UBE2E2: variants seen among roughly 807,000 people sequenced by gnomAD.
The protein encoded by UBE2E2 is ubiquitin-conjugating enzyme E2 E2.
UBE2E2 carries 6 observed loss-of-function variants against 24.7 expected under a neutral mutation model. That is an observed-to-expected ratio of 0.24 (90% CI 0.13 to 0.48). UBE2E2 has a LOEUF of 0.48. UBE2E2 is among the 20% of genes least tolerant of loss of function. The pLI is 0.99. For missense variants in UBE2E2, 169 were observed against 245.0 expected, an observed-to-expected ratio of 0.69 and a Z score of 2.07; for synonymous variants, 104 against 83.6, an observed-to-expected ratio of 1.24 and a Z score of -1.33.
intron 3 of UBE2E2, among the ~76,000 whole-genome samples, chr3:23,269,813 G>A (rs1252432245): frequency 1.3e-5 from 2 of 152,202 alleles, no homozygotes; most frequent in African/African-American, 4.8e-5. Flanking sequence ...GGAGGAAAAT[G>A]ATGTGCAGCT....
At chr3:23,304,791 A>G (rs116798595) in intron 3 of UBE2E2, among the ~76,000 whole-genome samples, 381 of 152,240 alleles carry the variant, frequency 2.5e-3, no homozygotes, top group African/African-American at 8.6e-3. Flanking sequence ...TCTTTGTTAC[A>G]TTGAAATCTA....
At chr3:23,239,965 G>C (rs1328838055) in intron 3 of UBE2E2, among the ~76,000 whole-genome samples, 2 of 152,148 alleles carry the variant, frequency 1.3e-5, no homozygotes, top group East Asian at 3.8e-4. Context: ...CTAGTTTCAA[G>C]TAAGTTTTGA....
chr3:23,421,523 C>T (rs1229244616), intron 3 of UBE2E2, among the ~76,000 whole-genome samples: 1 of 152,224 alleles, frequency 6.6e-6, no homozygotes, highest in Non-Finnish European at 1.5e-5. Flanking sequence ...TCTCCTGTCC[C>T]AGCCTCCCGA....
intron 3 of UBE2E2, among the ~76,000 whole-genome samples, chr3:23,405,301 C>T (rs1697329272): frequency 1.3e-5 from 2 of 152,168 alleles, no homozygotes; most frequent in Non-Finnish European, 1.5e-5. Context: ...ACCTGCCTCA[C>T]TGATTGTAAG....
chr3:23,285,710 C>G (rs1247381389), intron 3 of UBE2E2, among the ~76,000 whole-genome samples: 1 of 152,136 alleles, frequency 6.6e-6, no homozygotes, highest in African/African-American at 2.4e-5. Context: ...TTATCCCCCA[C>G]CCTGCTTTTC....
intron 3 of UBE2E2, among the ~76,000 whole-genome samples, chr3:23,303,181 C>T (rs1298312716): frequency 2.0e-5 from 3 of 151,782 alleles, no homozygotes; most frequent in South Asian, 2.1e-4. Flanking sequence ...GCATGATGAT[C>T]TGTCACTGTC....
chr3:23,351,541 C>G (rs1412602764), intron 3 of UBE2E2, among the ~76,000 whole-genome samples: 1 of 152,140 alleles, frequency 6.6e-6, no homozygotes, highest in Non-Finnish European at 1.5e-5. Flanking sequence ...GGAGGAAGGT[C>G]TACCAAGCAA....
chr3:23,409,652 A>G (rs975840843), intron 3 of UBE2E2, among the ~76,000 whole-genome samples: 2 of 152,178 alleles, frequency 1.3e-5, no homozygotes, highest in African/African-American at 4.8e-5. Flanking sequence ...GCCTGCTGTA[A>G]CAAATTACAC....
intron 5 of UBE2E2, among the ~76,000 whole-genome samples, chr3:23,544,919 A>C (rs1695482233): frequency 2.6e-5 from 4 of 152,072 alleles, no homozygotes; most frequent in African/African-American, 7.3e-5. Flanking sequence ...GCAGACAAAC[A>C]CGTGAACAAA....
At chr3:23,348,549 T>C (rs1695629248) in intron 3 of UBE2E2, among the ~76,000 whole-genome samples, 1 of 152,100 alleles carries the variant, frequency 6.6e-6, no homozygotes, top group South Asian at 2.1e-4. Context: ...ACAAAAAGCA[T>C]ATTTGGAGGA....
At chr3:23,371,320 C>G (rs1313730822) in intron 3 of UBE2E2, among the ~76,000 whole-genome samples, 1 of 152,016 alleles carries the variant, frequency 6.6e-6, no homozygotes, top group East Asian at 1.9e-4. Context: ...TGTGAGCCAC[C>G]CTGTCCAGCC....
At position 23,208,870 on chromosome 3, in the gene UBE2E2, T is replaced by C; in HGVS notation, c.171T>C (p.Ala57=). 1.2e-6 allele frequency: 2 copies of C among 1,610,762 alleles called. No homozygotes were observed. The highest frequency in any genetic ancestry group is 1.3e-5 in the African/African-American group (1 of 74,868). Residue 57 remains alanine (A), a synonymous_variant, in exon 2 of 6, where the codon GCT becomes GCC. Transcript: ENST00000396703. ...SKTAAKLSTS[A]KRIQKELAEI... is the part of the protein sequence containing the mutation. Reference sequence around the variant, plus strand: ...CCGCTGCTAAATTGTCAACTAGTGCTAAAAGGTACTTCAGTTATTATAACC... The same window carrying C: ...CCGCTGCTAAATTGTCAACTAGTGCCAAAAGGTACTTCAGTTATTATAACC...
At chr3:23,297,920 T>C (rs1178849115) in intron 3 of UBE2E2, among the ~76,000 whole-genome samples, 19 of 152,134 alleles carry the variant, frequency 1.2e-4, no homozygotes, top group East Asian at 3.9e-4. Flanking sequence ...TACCCATGAG[T>C]ATGGAATGTT....
chr3:23,384,265 C>T (rs1425392002), intron 3 of UBE2E2, among the ~76,000 whole-genome samples: 1 of 152,186 alleles, frequency 6.6e-6, no homozygotes, highest in African/African-American at 2.4e-5. Context: ...TGGGCTCAAC[C>T]AGTCCTCCTG....
At chr3:23,333,522 G>A (rs1023849853) in intron 3 of UBE2E2, among the ~76,000 whole-genome samples, 4 of 152,012 alleles carry the variant, frequency 2.6e-5, no homozygotes, top group African/African-American at 9.7e-5. Context: ...CAGATTTTCT[G>A]CCACAAAATT....
intron 3 of UBE2E2, among the ~76,000 whole-genome samples, chr3:23,363,912 A>C (rs573076617): frequency 6.6e-6 from 1 of 151,938 alleles, no homozygotes; most frequent in African/African-American, 2.4e-5. Flanking sequence ...GATTCTCAGC[A>C]ACTTAAAAAA....
intron 2 of UBE2E2, among the ~76,000 whole-genome samples, chr3:23,215,846 A>T (rs957586346): frequency 6.6e-6 from 1 of 152,106 alleles, no homozygotes; most frequent in Non-Finnish European, 1.5e-5. Flanking sequence ...TGAGTTTTGA[A>T]GTGTCTGTTG....
intron 3 of UBE2E2, among the ~76,000 whole-genome samples, chr3:23,344,614 T>G (rs1043044553): frequency 4.0e-5 from 6 of 151,892 alleles, no homozygotes; most frequent in African/African-American, 1.5e-4. Context: ...AATGAGAGCA[T>G]GGGTGATGTG....
intron 3 of UBE2E2, among the ~76,000 whole-genome samples, chr3:23,346,003 T>A (rs1435442526): frequency 6.6e-6 from 1 of 152,206 alleles, no homozygotes; most frequent in Non-Finnish European, 1.5e-5. Context: ...TAATCAATCA[T>A]GGTGCTATGA....
Sources: allele counts gnomAD v4.1 joint callset (sites outside exome capture counted in the v4.1 genomes callset), GRCh38; gene constraint gnomAD v4.1.1; transcripts MANE v1.5; gene names NCBI Gene and HGNC (gene_info 2026-07-23, HGNC 2026-07-21).